NAALADL2: variants seen among roughly 807,000 people sequenced by gnomAD.
NAALADL2 encodes the protein inactive N-acetylated-alpha-linked acidic dipeptidase-like protein 2.
In NAALADL2, 76 loss-of-function variants were observed where a neutral mutation model predicts 87.2. The ratio of observed to expected loss-of-function variants is 0.87; its 90% confidence interval spans 0.72 to 1.05. The LOEUF is 1.05. NAALADL2 is among the 50% of genes least tolerant of loss of function. NAALADL2 has a pLI of 0.00. For synonymous variants in NAALADL2, 354 were observed against 331.0 expected (o/e 1.07, Z -0.75); for missense variants, 1,089 against 945.8 (o/e 1.15, Z -1.99).
intron 1 of NAALADL2, among the ~76,000 whole-genome samples, chr3:174,867,042 CAT>C (rs1488932353): frequency 2.6e-5 from 4 of 151,580 alleles, no homozygotes; most frequent in South Asian, 2.1e-4. Context: ...TGTTTAGTAA[CAT>C]AATCTGCAAT....
intron 9 of NAALADL2, among the ~76,000 whole-genome samples, chr3:175,553,475 C>T (rs892314653): frequency 6.6e-6 from 1 of 152,160 alleles, no homozygotes; most frequent in African/African-American, 2.4e-5. Context: ...TCTCCTCCAA[C>T]AGCTATATCC....
intron 13 of NAALADL2, among the ~76,000 whole-genome samples, chr3:175,764,542 A>AT (rs67175572): frequency 1.3e-4 from 19 of 150,644 alleles, no homozygotes; most frequent in Non-Finnish European, 1.2e-4. Flanking sequence ...AGCCAAGACC[A>AT]TTTTTTTTTT....
chr3:175,366,885 T>C (rs1765664627), intron 5 of NAALADL2, among the ~76,000 whole-genome samples: 1 of 151,904 alleles, frequency 6.6e-6, no homozygotes, highest in Non-Finnish European at 1.5e-5. Flanking sequence ...TTGTCAATTT[T>C]GTCTTTTGTT....
At chr3:174,812,087 C>G (rs1720277181) in intron 3 of NAALADL2, among the ~76,000 whole-genome samples, 1 of 152,102 alleles carries the variant, frequency 6.6e-6, no homozygotes, top group Non-Finnish European at 1.5e-5. Context: ...TTGTGTACAG[C>G]CTGCAGAACC....
At chr3:174,685,108 C>T (rs577621885) in intron 2 of NAALADL2, among the ~76,000 whole-genome samples, 9 of 152,066 alleles carry the variant, frequency 5.9e-5, no homozygotes, top group Non-Finnish European at 1.2e-4. Flanking sequence ...CCTGAATGGT[C>T]CCAAATGTAT....
chr3:174,993,900 G>A (rs978515855), intron 1 of NAALADL2, among the ~76,000 whole-genome samples: 2 of 152,108 alleles, frequency 1.3e-5, no homozygotes. Flanking sequence ...GCAATCCGTG[G>A]CATTCCTTGG....
chr3:175,177,006 C>G (rs1735788711), intron 2 of NAALADL2, among the ~76,000 whole-genome samples: 1 of 152,088 alleles, frequency 6.6e-6, no homozygotes, highest in Non-Finnish European at 1.5e-5. Context: ...AAACCGTAGA[C>G]TGTGTGAAAG....
intron 1 of NAALADL2, among the ~76,000 whole-genome samples, chr3:174,473,343 T>G (rs1717021197): frequency 6.6e-6 from 1 of 152,178 alleles, no homozygotes; most frequent in South Asian, 2.1e-4. Context: ...ACATCAACCC[T>G]ACAAAGGATC....
intron 1 of NAALADL2, among the ~76,000 whole-genome samples, chr3:175,090,763 C>A (rs1482518254): frequency 6.6e-6 from 1 of 152,012 alleles, no homozygotes; most frequent in Non-Finnish European, 1.5e-5. Context: ...TTAGAGTAGG[C>A]ACTGACTAAT....
intron 2 of NAALADL2, among the ~76,000 whole-genome samples, chr3:174,595,809 G>A (rs372812569): frequency 2.0e-4 from 31 of 152,090 alleles, no homozygotes; most frequent in East Asian, 9.7e-4. Context: ...TTGGGAGTTC[G>A]AGACCAGCCT....
In NAALADL2 at chr3:175,426,795, A is replaced by G. The variant is rs1276546993; in HGVS notation, c.1091-20434A>G. On this transcript the variant is annotated intron_variant, in intron 5 of 13. Coordinates refer to ENST00000454872, the MANE Select transcript of NAALADL2 (RefSeq NM_207015.3). The stretch of plus-strand genomic sequence containing the variant: ...TTATCTCGTTTGCTATTTTAAAAAT[A>G]TAGGATTAGCTGATCAGCAGCTGCC... 3.9e-5 allele frequency among the ~76,000 whole-genome samples: 6 copies of G among 152,124 alleles called. No individual in the cohort carries two copies. In the South Asian group the frequency reaches 6.2e-4, roughly 16 times the overall value.
rs555820265 is a variant in NAALADL2 at position 174,557,611 on chromosome 3, G to A, written c.-115+6974G>A. On this transcript the variant is annotated intron_variant, in intron 2 of 3. Transcript: ENST00000434257. The stretch of plus-strand genomic sequence containing the variant: ...TTTCTTGTTTGTTAATCTGCTCATG[G>A]AGAAATATTTTCATCCAGTTACTAC... Among the ~76,000 whole-genome samples the A allele has an allele frequency of 1.8e-3, 281 of 152,226 alleles. 1 individual carries two copies. The highest frequency in any genetic ancestry group is 6.8e-3 in the Middle Eastern group (2 of 294).
intron 3 of NAALADL2, among the ~76,000 whole-genome samples, chr3:175,236,254 G>C (rs1349864020): frequency 6.6e-6 from 1 of 152,094 alleles, no homozygotes; most frequent in East Asian, 1.9e-4. Context: ...GGGCACTGTG[G>C]CTCATGCCTG....
At chr3:174,825,727 C>G (rs182243598) in intron 3 of NAALADL2, among the ~76,000 whole-genome samples, 2 of 152,216 alleles carry the variant, frequency 1.3e-5, no homozygotes, top group East Asian at 3.9e-4. Context: ...ATTGTTGAGT[C>G]CTTAAACATC....
chr3:174,836,531 C>G (rs553960431), intron 3 of NAALADL2, among the ~76,000 whole-genome samples: 1 of 152,058 alleles, frequency 6.6e-6, no homozygotes, highest in South Asian at 2.1e-4. Flanking sequence ...GAAACCCCTT[C>G]TCTACTAAAA....
intron 11 of NAALADL2, among the ~76,000 whole-genome samples, chr3:175,728,502 A>T (rs1181759671): frequency 2.6e-5 from 4 of 152,074 alleles, no homozygotes; most frequent in Non-Finnish European, 5.9e-5. Flanking sequence ...GCTGCTTCTC[A>T]TTCTGTTCAT....
intron 13 of NAALADL2, among the ~76,000 whole-genome samples, chr3:175,789,986 TAGGAA>T (rs1427794221): frequency 3.9e-5 from 6 of 152,064 alleles, no homozygotes; most frequent in African/African-American, 1.4e-4. Context: ...CTAGAGCATC[TAGGAA>T]AGGAAATGTA....
intron 1 of NAALADL2, among the ~76,000 whole-genome samples, chr3:174,541,942 T>A (rs948495110): frequency 6.6e-6 from 1 of 152,292 alleles, no homozygotes; most frequent in Non-Finnish European, 1.5e-5. Context: ...GCAGAGTGAC[T>A]ACTTCTTGCA....
At chr3:175,786,738 G>C (rs6796151) in intron 13 of NAALADL2, among the ~76,000 whole-genome samples, 2,191 of 152,274 alleles carry the variant, frequency 0.014, 59 homozygotes, top group African/African-American at 0.048. Flanking sequence ...TTCCGTTGCT[G>C]GTGAGGAACT....
Sources: allele counts gnomAD v4.1 joint callset (sites outside exome capture counted in the v4.1 genomes callset), GRCh38; gene constraint gnomAD v4.1.1; transcripts MANE v1.5; gene names NCBI Gene and HGNC (gene_info 2026-07-23, HGNC 2026-07-21).